PRR16: variants seen among roughly 807,000 people sequenced by gnomAD.
PRR16 encodes the protein proline rich 16, also known as protein Largen.
PRR16 carries 6 observed loss-of-function variants against 18.2 expected under a neutral mutation model. The observed-to-expected ratio is 0.33, with a 90% CI of 0.18 to 0.65. PRR16 has a LOEUF of 0.65. PRR16 is among the 30% of genes least tolerant of loss of function. The pLI, the probability that PRR16 is intolerant of heterozygous loss-of-function variation, is 0.74. For missense variants in PRR16, 412 were observed against 376.6 expected (o/e 1.09, Z -0.78); for synonymous variants, 151 against 147.8 (o/e 1.02, Z -0.16).
chr5:120,703,235 A>G, the PRR16 span, among the ~76,000 whole-genome samples: 1 of 152,162 alleles, frequency 6.6e-6, no homozygotes, highest in Non-Finnish European at 1.5e-5. Flanking sequence ...AGGTAATGTC[A>G]TCACTTAAGG....
chr5:120,793,366 T>G, the PRR16 span, among the ~76,000 whole-genome samples: 1 of 151,274 alleles, frequency 6.6e-6, no homozygotes, highest in Admixed American at 6.6e-5. Context: ...AAAAAAAAGG[T>G]ATATGGTTTG....
intron 1 of PRR16, among the ~76,000 whole-genome samples, chr5:120,619,255 A>C (rs1168375247): frequency 6.6e-6 from 1 of 152,094 alleles, no homozygotes; most frequent in Non-Finnish European, 1.5e-5. Flanking sequence ...CATAGTTCTA[A>C]TTTTTCTTGA....
intron 1 of PRR16, among the ~76,000 whole-genome samples, chr5:120,664,889 C>T (rs547898236): frequency 1.3e-5 from 2 of 151,564 alleles, no homozygotes; most frequent in South Asian, 2.1e-4. Flanking sequence ...CAAGTCTTTG[C>T]TATTGTGAAT....
intron 1 of PRR16, among the ~76,000 whole-genome samples, chr5:120,579,350 G>A (rs1305449973): frequency 2.0e-5 from 3 of 152,022 alleles, no homozygotes; most frequent in Non-Finnish European, 4.4e-5. Flanking sequence ...AAATGGTATT[G>A]CCTAGGTTTT....
At chr5:120,792,929 G>T in the PRR16 span, among the ~76,000 whole-genome samples, 1 of 152,188 alleles carries the variant, frequency 6.6e-6, no homozygotes, top group Admixed American at 6.5e-5. Context: ...AGGCCAGGGG[G>T]ATCACTTGAG....
At chr5:120,474,632 A>C (rs892879423) in intron 1 of PRR16, among the ~76,000 whole-genome samples, 7 of 149,328 alleles carry the variant, frequency 4.7e-5, no homozygotes, top group Admixed American at 6.7e-5. Flanking sequence ...TTTTCTTTAC[A>C]TTTACCTCAT....
chr5:120,781,526 G>C, the PRR16 span: 2 of 152,122 alleles, frequency 1.3e-5, no homozygotes, highest in Non-Finnish European at 1.5e-5. Context: ...CCTTTCCTTG[G>C]TGTATGGGAG....
intron 1 of PRR16, among the ~76,000 whole-genome samples, chr5:120,676,022 G>T (rs973562): frequency 0.47 from 70,715 of 151,992 alleles, 17,667 homozygotes; most frequent in Middle Eastern, 0.6. Context: ...AAAAAACTTG[G>T]AAAAAAGAAT....
intron 1 of PRR16, among the ~76,000 whole-genome samples, chr5:120,536,740 CTTTG>C (rs756801294): frequency 2.6e-5 from 4 of 152,130 alleles, no homozygotes; most frequent in Non-Finnish European, 5.9e-5. Context: ...ATATAGTTCC[CTTTG>C]TTTAAGATTT....
the PRR16 span, chr5:120,710,923 C>T: frequency 7.0e-6 from 1 of 143,432 alleles, no homozygotes; most frequent in Non-Finnish European, 1.5e-5. Context: ...GGGCTCTGGT[C>T]CTTTGTGGAG....
the PRR16 span, among the ~76,000 whole-genome samples, chr5:120,700,640 G>A: frequency 6.6e-6 from 1 of 151,944 alleles, no homozygotes; most frequent in African/African-American, 2.4e-5. Flanking sequence ...ACCAGAGTTG[G>A]GGAGTTTTAA....
intron 1 of PRR16, among the ~76,000 whole-genome samples, chr5:120,605,775 G>A (rs1754133662): frequency 6.6e-6 from 1 of 152,060 alleles, no homozygotes; most frequent in Non-Finnish European, 1.5e-5. Context: ...TGCTTTCCAG[G>A]GCCAAGGCTC....
chr5:120,734,166 G>A, the PRR16 span, among the ~76,000 whole-genome samples: 7 of 152,172 alleles, frequency 4.6e-5, no homozygotes, highest in East Asian at 1.9e-4. Context: ...AGCCTGAAGC[G>A]GGAGGGCTCC....
chr5:120,683,830 G>A (rs964262751), intron 1 of PRR16, among the ~76,000 whole-genome samples: 5 of 151,592 alleles, frequency 3.3e-5, no homozygotes, highest in African/African-American at 1.2e-4. Flanking sequence ...GAATCCTGAA[G>A]TCTGTTTTCA....
At chr5:120,793,553 G>C in the PRR16 span, among the ~76,000 whole-genome samples, 1 of 152,088 alleles carries the variant, frequency 6.6e-6, no homozygotes, top group African/African-American at 2.4e-5. Context: ...AGAAAAAAGA[G>C]AGTAGTGCAG....
At chr5:120,573,648 T>C (rs2112740176) in intron 1 of PRR16, among the ~76,000 whole-genome samples, 1 of 152,174 alleles carries the variant, frequency 6.6e-6, no homozygotes, top group South Asian at 2.1e-4. Flanking sequence ...ATGACAACAA[T>C]GATAAATAAA....
chr5:120,755,511 C>G, the PRR16 span, among the ~76,000 whole-genome samples: 8 of 152,066 alleles, frequency 5.3e-5, no homozygotes. Flanking sequence ...TGTTAGTTCA[C>G]TTAGGATAAT....
intron 1 of PRR16, among the ~76,000 whole-genome samples, chr5:120,486,256 A>G (rs1006855781): frequency 6.6e-6 from 1 of 152,216 alleles, no homozygotes; most frequent in Non-Finnish European, 1.5e-5. Flanking sequence ...ACTAGTTTAC[A>G]GTTCCAACAG....
chr5:120,488,257 G>A (rs892734620), intron 1 of PRR16, among the ~76,000 whole-genome samples: 2 of 152,088 alleles, frequency 1.3e-5, no homozygotes, highest in African/African-American at 2.4e-5. Context: ...GGTAGAATTC[G>A]GCTGTGAATC....
Sources: allele counts gnomAD v4.1 joint callset (sites outside exome capture counted in the v4.1 genomes callset), GRCh38; gene constraint gnomAD v4.1.1; transcripts MANE v1.5; gene names NCBI Gene and HGNC (gene_info 2026-07-23, HGNC 2026-07-21).